OSBPL9: variants seen among roughly 807,000 people sequenced by gnomAD.
The protein encoded by OSBPL9 is oxysterol-binding protein-related protein 9.
OSBPL9 carries 40 observed loss-of-function variants against 106.6 expected under a neutral mutation model. The ratio of observed to expected loss-of-function variants is 0.38; its 90% CI spans 0.29 to 0.49. The LOEUF (loss-of-function observed/expected upper bound fraction) is 0.49, where lower values mean the gene tolerates loss of function less well. Among genes scored for constraint, OSBPL9 ranks in the 20% least tolerant of loss-of-function variants. The probability of loss-of-function intolerance (pLI) is 0.97; values close to 1 mark genes in which losing one functional copy is unlikely to be tolerated. For missense variants in OSBPL9, 609 were observed against 887.2 expected, an observed-to-expected ratio of 0.69 and a Z score of 3.98; for synonymous variants, 269 against 295.4, an observed-to-expected ratio of 0.91 and a Z score of 0.92.
chr1:51,713,605 A>G (rs115182001), intron 3 of OSBPL9, among the ~76,000 whole-genome samples: 2,170 of 152,316 alleles, frequency 0.014, 32 homozygotes, highest in Non-Finnish European at 0.017. Context: ...CAATGCCTCC[A>G]TGAGAAGTGT....
the OSBPL9 span, among the ~76,000 whole-genome samples, chr1:51,552,709 C>T: frequency 3.3e-5 from 5 of 152,048 alleles, no homozygotes; most frequent in Admixed American, 1.3e-4. Flanking sequence ...ACTGCAACCT[C>T]CGCCTCCCAG....
intron 14 of OSBPL9, among the ~76,000 whole-genome samples, chr1:51,773,941 C>CTCTGTT (rs901406229): frequency 1.1e-3 from 160 of 149,086 alleles, no homozygotes; most frequent in African/African-American, 3.9e-3. Flanking sequence ...CAGCTGCTGG[C>CTCTGTT]GTTGTTGTTG....
chr1:51,735,531 T>C (rs1665481324), intron 4 of OSBPL9, among the ~76,000 whole-genome samples: 1 of 152,246 alleles, frequency 6.6e-6, no homozygotes, highest in Admixed American at 6.5e-5. Flanking sequence ...AACTTTCTCC[T>C]TTGAATTTCT....
intron 2 of OSBPL9, among the ~76,000 whole-genome samples, chr1:51,598,916 C>T (rs1293843577): frequency 6.6e-6 from 1 of 151,746 alleles, no homozygotes; most frequent in Non-Finnish European, 1.5e-5. Context: ...ATCACTTGAA[C>T]CCAGGAGACA....
At chr1:51,595,539 A>G (rs1347804469) in intron 1 of OSBPL9, among the ~76,000 whole-genome samples, 1 of 152,184 alleles carries the variant, frequency 6.6e-6, no homozygotes, top group East Asian at 1.9e-4. Context: ...ACTGAGGCTA[A>G]CCAGGGAGGA....
intron 18 of OSBPL9, 39 bp downstream of exon 18, chr1:51,784,064 G>GA (rs1185312440): frequency 6.5e-7 from 1 of 1,541,234 alleles, no homozygotes; most frequent in Admixed American, 1.7e-5. Flanking sequence ...AATGTTATAG[G>GA]AGAATTTTAT....
chr1:51,561,960 G>A, the OSBPL9 span: 1 of 152,172 alleles, frequency 6.6e-6, no homozygotes, highest in African/African-American at 2.4e-5. Context: ...CTTATATTTA[G>A]GGTTGTCTAT....
At chr1:51,775,047 G>T (rs1158164686) in intron 14 of OSBPL9, among the ~76,000 whole-genome samples, 1 of 152,034 alleles carries the variant, frequency 6.6e-6, no homozygotes, top group Non-Finnish European at 1.5e-5. Flanking sequence ...TTACTCGGTG[G>T]TTTATAATTC....
intron 3 of OSBPL9, among the ~76,000 whole-genome samples, chr1:51,675,405 A>AGTGT (rs61005283): frequency 5.0e-4 from 75 of 149,460 alleles, no homozygotes; most frequent in Middle Eastern, 3.5e-3. Context: ...AATGGGGTTG[A>AGTGT]GTGTGTGTGT....
intron 12 of OSBPL9, among the ~76,000 whole-genome samples, chr1:51,768,461 G>A (rs1184450689): frequency 1.3e-5 from 2 of 152,146 alleles, no homozygotes; most frequent in Non-Finnish European, 2.9e-5. Context: ...CTGTCCGCCT[G>A]CCTCGGCCTC....
chr1:51,616,672 A>T (rs1444615406), upstream of OSBPL9, among the ~76,000 whole-genome samples: 1 of 152,164 alleles, frequency 6.6e-6, no homozygotes, highest in Non-Finnish European at 1.5e-5. Flanking sequence ...CTCACCTGTC[A>T]TGAAGGCTCT....
chr1:51,746,559 G>A lies in OSBPL9; in HGVS notation c.415-151G>A, dbSNP rs568400311. 10 of 515,800 alleles carry A rather than the reference G, an allele frequency of 1.9e-5. No individual in the cohort carries two copies. In the East Asian group the frequency reaches 2.0e-4, roughly 10 times the overall value. The allele number at this position is 515,800 out of a possible 1,614,324, so 32.0% of individuals were successfully genotyped here. ...AGAATTTGACTTTGATTGAGTGCTC[G>A]AAAAAAAATACATGTTGTCTTGAAA... On this transcript the variant is annotated intron_variant, in intron 5 of 23. Transcript: ENST00000428468.
chr1:51,625,479 A>G (rs1240976351), intron 1 of OSBPL9, among the ~76,000 whole-genome samples: 1 of 152,006 alleles, frequency 6.6e-6, no homozygotes, highest in East Asian at 1.9e-4. Context: ...CACCCCAATC[A>G]ATTGTTTCCT....
chr1:51,518,740 G>T, the OSBPL9 span, among the ~76,000 whole-genome samples: 2 of 152,060 alleles, frequency 1.3e-5, no homozygotes, highest in African/African-American at 4.8e-5. Flanking sequence ...CCTACTGGGG[G>T]CGGCGCGCAG....
At chr1:51,777,888 C>T (rs1675431855) in intron 15 of OSBPL9, among the ~76,000 whole-genome samples, 1 of 152,132 alleles carries the variant, frequency 6.6e-6, no homozygotes, top group African/African-American at 2.4e-5. Flanking sequence ...TGCAGTGGCT[C>T]ATGCCTGTAA....
At chr1:51,611,178 C>G (rs1643984631) in intron 2 of OSBPL9, among the ~76,000 whole-genome samples, 2 of 152,148 alleles carry the variant, frequency 1.3e-5, no homozygotes, top group Middle Eastern at 6.8e-3. Context: ...CTCTCTTTTG[C>G]CTGAAAATCA....
At chr1:51,641,792 C>T (rs1645809323) in intron 1 of OSBPL9, among the ~76,000 whole-genome samples, 1 of 152,046 alleles carries the variant, frequency 6.6e-6, no homozygotes, top group Admixed American at 6.6e-5. Context: ...CGGGTCAATG[C>T]CGAGATAAAT....
upstream of OSBPL9, among the ~76,000 whole-genome samples, chr1:51,574,317 A>G (rs1020459464): frequency 1.3e-5 from 2 of 152,154 alleles, no homozygotes; most frequent in Non-Finnish European, 2.9e-5. Context: ...ATGGGAATGT[A>G]TGGTTGAAAG....
chr1:51,784,759 A>G (rs551159661), intron 20 of OSBPL9, 177 bp downstream of exon 20: 34 of 734,630 alleles, frequency 4.6e-5, no homozygotes, highest in Non-Finnish European at 6.3e-5. Flanking sequence ...GACCTAAAAC[A>G]TATATTCAGA....
Sources: gnomAD v4.1 joint callset for allele counts (sites outside exome capture counted in the v4.1 genomes callset) on GRCh38, gnomAD v4.1.1 for gene constraint, MANE v1.5 for transcripts, NCBI Gene and HGNC (gene_info 2026-07-23, HGNC 2026-07-21) for gene names.